Variants in EYS observed in about 807,000 individuals in gnomAD.
EYS encodes the protein protein eyes shut homolog.
In EYS, 250 loss-of-function variants were observed where a neutral mutation model predicts 282.1. That is an observed-to-expected ratio of 0.89 (90% CI 0.80 to 0.98). The LOEUF is 0.98. Ranked by LOEUF, EYS falls within the 50% of genes least tolerant of loss-of-function variation. The pLI, the probability that EYS is intolerant of heterozygous loss-of-function variation, is 0.00. For missense variants in EYS, 4,016 were observed against 3,709.0 expected, an observed-to-expected ratio of 1.08 and a Z score of -2.15; for synonymous variants, 1,355 against 1,282.9, an observed-to-expected ratio of 1.06 and a Z score of -1.20.
At chr6:65,678,601 A>G (rs1768709582) in intron 1 of EYS, among the ~76,000 whole-genome samples, 1 of 151,974 alleles carries the variant, frequency 6.6e-6, no homozygotes, top group Non-Finnish European at 1.5e-5. Flanking sequence ...AAAAACAGAC[A>G]AGTGAGACTG....
rs1487879752 is a variant in EYS, at chr6:63,984,469, A to G, written c.6969T>C (p.Asp2323=). 2 of 1,549,688 alleles carry G rather than the reference A, an allele frequency of 1.3e-6. No individual in the cohort carries two copies. The highest frequency in any genetic ancestry group is 2.7e-5 in the African/African-American group (2 of 72,842). ...CAATATTCTTTCCATGTCGTGCTTC[A>G]TCGATGATGAAGAATTCTTTGTTGT... ...QVNNKEFFII[D]EARHGKNIEN... The change falls in exon 35 of 43, where the codon GAT becomes GAC. Residue 2323 remains aspartate, a synonymous_variant. Transcript: ENST00000503581.
chr6:64,148,641 A>AT (rs1003902012), intron 31 of EYS, among the ~76,000 whole-genome samples: 2 of 152,062 alleles, frequency 1.3e-5, no homozygotes, highest in South Asian at 2.1e-4. Flanking sequence ...AGAATCTTGT[A>AT]TTTTTTTACC....
chr6:65,385,147 A>T (rs1765751990), intron 7 of EYS, among the ~76,000 whole-genome samples: 1 of 151,896 alleles, frequency 6.6e-6, no homozygotes, highest in Admixed American at 6.6e-5. Context: ...TATTTAGTAA[A>T]CTTTCTATTA....
chr6:64,802,023 C>CTTTTTTTTTTTTTTTTTTTTTTTTTTT (rs1199002175), intron 22 of EYS, among the ~76,000 whole-genome samples: 1 of 70,780 alleles, frequency 1.4e-5, no homozygotes, highest in Non-Finnish European at 2.7e-5. Context: ...ATTTCTTTTT[C>CTTTTTTTTTTTTTTTTTTTTTTTTTTT]TTTTTTTTTC....
intron 18 of EYS, among the ~76,000 whole-genome samples, chr6:64,896,559 T>C (rs1583271876): frequency 2.0e-5 from 3 of 151,032 alleles, no homozygotes. Context: ...TTTTTTTTTT[T>C]TTTTCGTATC....
At chr6:64,206,014 A>G (rs1420552019) in intron 31 of EYS, among the ~76,000 whole-genome samples, 1 of 152,136 alleles carries the variant, frequency 6.6e-6, no homozygotes, top group Admixed American at 6.6e-5. Flanking sequence ...TAGTGAATGC[A>G]TCAGGTTTTT....
chr6:65,344,301 G>GT lies in EYS; in HGVS notation c.1460-125dup, dbSNP rs564890101. 278 of 774,248 alleles carry GT rather than the reference G, an allele frequency of 3.6e-4. 3 individuals are homozygous for GT. In the South Asian group the frequency reaches 4.2e-3, roughly 12 times the overall value. The allele number at this position is 774,248 out of a possible 1,614,324, so 48.0% of individuals were successfully genotyped here. On this transcript the variant is annotated intron_variant, in intron 9 of 42. Coordinates refer to ENST00000503581, the MANE Select transcript of EYS (RefSeq NM_001142800.2). Reference sequence around the variant, plus strand: ...TTTGACAACATCTGCCACAAAATAAGTTCCTGTATGCATATGATATTGAAT... The same window carrying GT: ...TTTGACAACATCTGCCACAAAATAAGTTTCCTGTATGCATATGATATTGAAT...
intron 7 of EYS, among the ~76,000 whole-genome samples, chr6:65,390,094 T>G (rs1223376491): frequency 1.3e-5 from 2 of 151,774 alleles, no homozygotes; most frequent in Non-Finnish European, 2.9e-5. Flanking sequence ...ATTAAAGGTA[T>G]TTCAGGGTGT....
In EYS at chr6:64,970,698, A is replaced by C. The variant is rs560382954; in HGVS notation, c.2260-24784T>G. Among the ~76,000 whole-genome samples the C allele has an allele frequency of 1.9e-3, 288 of 152,314 alleles. 3 individuals carry two copies. The highest frequency in any genetic ancestry group is 2.2e-3 in the Non-Finnish European group (152 of 68,018). ...TGTTTAGTACAATACGTAAACCTTG[A>C]ATAACACCACTGAACCCATATGAAG... On this transcript the variant is annotated intron_variant, in intron 14 of 42. Coordinates refer to ENST00000503581, the MANE Select transcript of EYS (RefSeq NM_001142800.2).
At chr6:65,148,860 C>T (rs895998822) in intron 12 of EYS, among the ~76,000 whole-genome samples, 1 of 152,090 alleles carries the variant, frequency 6.6e-6, no homozygotes, top group Non-Finnish European at 1.5e-5. Context: ...ACATGGAAGC[C>T]ACCAAAGCTT....
At chr6:65,627,698 CGG>C (rs1766762266) in intron 2 of EYS, among the ~76,000 whole-genome samples, 1 of 152,174 alleles carries the variant, frequency 6.6e-6, no homozygotes, top group Admixed American at 6.5e-5. Flanking sequence ...CCAGTGGCTG[CGG>C]AGAGTGAACT....
chr6:64,511,289 G>GTATCATATATATGATATATATA (rs1777394555), intron 26 of EYS, among the ~76,000 whole-genome samples: 1 of 122,780 alleles, frequency 8.1e-6, no homozygotes. Flanking sequence ...TGATATATAT[G>GTATCATATATATGATATATATA]TTTATATTTA....
intron 8 of EYS, among the ~76,000 whole-genome samples, chr6:65,371,741 CTGTGTGTG>C (rs112663745): frequency 1.4e-5 from 1 of 70,244 alleles, no homozygotes; most frequent in Non-Finnish European, 2.7e-5. Flanking sequence ...CTCTCTCTCT[CTGTGTGTG>C]TGTGTGTGTG....
chr6:64,502,185 G>A (rs1777068758), intron 26 of EYS, among the ~76,000 whole-genome samples: 1 of 151,986 alleles, frequency 6.6e-6, no homozygotes, highest in Non-Finnish European at 1.5e-5. Context: ...CAAGACTAAA[G>A]GTTTAAAAGA....
chr6:64,892,309 T>C (rs761864440), intron 18 of EYS, among the ~76,000 whole-genome samples: 6 of 151,876 alleles, frequency 4.0e-5, no homozygotes, highest in Non-Finnish European at 8.8e-5. Context: ...ATTAAATAGA[T>C]TGAATAGTAT....
rs191851363 is a variant in EYS at position 65,642,941 on chromosome 6, G to A, written c.-447-3049C>T. ...CAGGACTAGCTTGCAGTTCCTGCTTGGACAGACAGAGCAGTGTGTGAAGAC... is the reference window on the plus strand; with the variant it reads ...CAGGACTAGCTTGCAGTTCCTGCTTAGACAGACAGAGCAGTGTGTGAAGAC... On this transcript the variant is annotated intron_variant, in intron 1 of 42. Coordinates refer to ENST00000503581, the MANE Select transcript of EYS (RefSeq NM_001142800.2). Among the ~76,000 whole-genome samples the A allele has an allele frequency of 3.4e-3, 514 of 152,334 alleles. 2 individuals are homozygous for A. Among genetic ancestry groups the A allele is most frequent in the African/African-American group, 0.011 (474 of 41,570 alleles).
At chr6:64,948,499 AT>A (rs1478141583) in intron 14 of EYS, among the ~76,000 whole-genome samples, 2 of 147,036 alleles carry the variant, frequency 1.4e-5, no homozygotes, top group African/African-American at 4.9e-5. Flanking sequence ...ATATTTTAAT[AT>A]TAATTATAAA....
intron 12 of EYS, among the ~76,000 whole-genome samples, chr6:65,085,690 C>T (rs918854496): frequency 1.3e-5 from 2 of 152,162 alleles, no homozygotes; most frequent in African/African-American, 4.8e-5. Flanking sequence ...GAACACAACT[C>T]AGATATCTTA....
chr6:65,620,211 G>C (rs1766417694), intron 2 of EYS, among the ~76,000 whole-genome samples: 1 of 152,152 alleles, frequency 6.6e-6, no homozygotes, highest in Non-Finnish European at 1.5e-5. Context: ...GTAAGCTATT[G>C]ATCATTGCCG....
Sources: gnomAD v4.1 joint callset for allele counts (sites outside exome capture counted in the v4.1 genomes callset) on GRCh38, gnomAD v4.1.1 for gene constraint, MANE v1.5 for transcripts, NCBI Gene and HGNC (gene_info 2026-07-23, HGNC 2026-07-21) for gene names.